The following ALPK2 variants were observed in gnomAD, a reference collection of about 807,000 sequenced individuals.
The protein encoded by ALPK2 is alpha-protein kinase 2.
Under a neutral mutation model 163.1 loss-of-function variants are expected in ALPK2, and 127 were observed. The ratio of observed to expected loss-of-function variants is 0.78; its 90% CI spans 0.67 to 0.90. ALPK2 has a LOEUF of 0.90. ALPK2 is among the 40% of genes least tolerant of loss of function. The pLI is 0.00. For missense variants in ALPK2, 2,360 were observed against 2,589.6 expected, an observed-to-expected ratio of 0.91 and a Z score of 1.92; for synonymous variants, 953 against 959.1, an observed-to-expected ratio of 0.99 and a Z score of 0.12.
chr18:58,557,675 T>TAC (rs2051801073), intron 4 of ALPK2, among the ~76,000 whole-genome samples: 12 of 44,582 alleles, frequency 2.7e-4, no homozygotes, highest in South Asian at 2.4e-3. Flanking sequence ...TATACGTGTG[T>TAC]GTGTGTGTGT....
intron 4 of ALPK2, among the ~76,000 whole-genome samples, chr18:58,575,277 T>C (rs918660882): frequency 6.6e-6 from 1 of 152,144 alleles, no homozygotes; most frequent in Non-Finnish European, 1.5e-5. Context: ...TAGTATTGTA[T>C]GGCTACTTAT....
intron 3 of ALPK2, among the ~76,000 whole-genome samples, chr18:58,595,345 G>T (rs951096890): frequency 6.6e-6 from 1 of 152,178 alleles, no homozygotes; most frequent in African/African-American, 2.4e-5. Context: ...TAACCTTAGG[G>T]TCTAGAACAG....
chr18:58,607,070 T>C (rs1026471433), intron 3 of ALPK2, among the ~76,000 whole-genome samples: 3 of 152,206 alleles, frequency 2.0e-5, no homozygotes, highest in Admixed American at 2.0e-4. Context: ...AATGGCTGGA[T>C]CACCTTGAAC....
chr18:58,601,060 AGCCT>A (rs1226564173), intron 3 of ALPK2, among the ~76,000 whole-genome samples: 1 of 152,240 alleles, frequency 6.6e-6, no homozygotes, highest in East Asian at 1.9e-4. Flanking sequence ...GTTCGAGACC[AGCCT>A]GGCCAACATG....
chr18:58,497,785 G>A (rs1455557424), intron 12 of ALPK2, among the ~76,000 whole-genome samples: 2 of 152,112 alleles, frequency 1.3e-5, no homozygotes, highest in Non-Finnish European at 2.9e-5. Context: ...TCTCCCCGTG[G>A]TACTCCTATT....
In ALPK2 at chr18:58,516,766, C is replaced by A; in HGVS notation, c.5940+142G>T. On this transcript the variant is annotated intron_variant, in intron 9 of 12. Transcript: ENST00000361673. The stretch of plus-strand genomic sequence containing the variant: ...CCGAGAATTGAGAAGTGATCCCCAG[C>A]ATTGAGATTGAATTGAAACCCCAAA... The A allele has an allele frequency of 3.9e-6, 4 of 1,018,600 alleles. No homozygotes were observed. In the South Asian group the frequency reaches 4.8e-5, roughly 12 times the overall value. The allele number at this position is 1,018,600 out of a possible 1,614,324, so 63.1% of individuals were successfully genotyped here.
chr18:58,558,834 T>A (rs142545097), intron 4 of ALPK2, among the ~76,000 whole-genome samples: 44 of 152,388 alleles, frequency 2.9e-4, no homozygotes, highest in African/African-American at 1.0e-3. Context: ...AAAAGCCATC[T>A]ACTGTATGAT....
intron 12 of ALPK2, among the ~76,000 whole-genome samples, chr18:58,483,239 C>A (rs532799066): frequency 2.8e-4 from 43 of 152,220 alleles, no homozygotes; most frequent in Non-Finnish European, 5.1e-4. Flanking sequence ...ATGAGGTCCA[C>A]GTTACATTCA....
chr18:58,519,012 T>C (rs1363126827), intron 8 of ALPK2, among the ~76,000 whole-genome samples: 1 of 152,230 alleles, frequency 6.6e-6, no homozygotes, highest in Admixed American at 6.5e-5. Context: ...TAAGAACTTA[T>C]GAGGACTGAA....
intron 4 of ALPK2, among the ~76,000 whole-genome samples, chr18:58,548,487 A>AT (rs1306413473): frequency 3.3e-5 from 5 of 151,982 alleles, no homozygotes; most frequent in African/African-American, 1.2e-4. Flanking sequence ...TGGCCAGCTA[A>AT]TTTTTGTATT....
At chr18:58,559,156 C>A (rs552130110) in intron 4 of ALPK2, among the ~76,000 whole-genome samples, 9 of 152,300 alleles carry the variant, frequency 5.9e-5, no homozygotes, top group Admixed American at 1.3e-4. Context: ...CAAAGCTAAT[C>A]AACGTGGGGT....
chr18:58,528,935 T>G, intron 6 of ALPK2, 156 bp downstream of exon 6: 1 of 904,402 alleles, frequency 1.1e-6, no homozygotes, highest in Non-Finnish European at 1.7e-6. Flanking sequence ...GACACTTGTC[T>G]TCCGATATTT....
intron 3 of ALPK2, among the ~76,000 whole-genome samples, chr18:58,581,483 G>A (rs1256393514): frequency 6.6e-6 from 1 of 152,224 alleles, no homozygotes; most frequent in African/African-American, 2.4e-5. Flanking sequence ...TGGCCCAGCA[G>A]GGGAGGAACA....
At chr18:58,553,085 C>G (rs1047630014) in intron 4 of ALPK2, among the ~76,000 whole-genome samples, 5 of 152,076 alleles carry the variant, frequency 3.3e-5, no homozygotes. Flanking sequence ...AACCAAGGAA[C>G]CCCCAAGGGC....
At chr18:58,627,178 G>T (rs996281963) in intron 1 of ALPK2, among the ~76,000 whole-genome samples, 5 of 152,194 alleles carry the variant, frequency 3.3e-5, no homozygotes, top group African/African-American at 1.2e-4. Context: ...CGCATCACAG[G>T]GGCTGATACC....
At chr18:58,505,656 A>C (rs2051458200) in intron 10 of ALPK2, among the ~76,000 whole-genome samples, 1 of 152,002 alleles carries the variant, frequency 6.6e-6, no homozygotes, top group Non-Finnish European at 1.5e-5. Flanking sequence ...AGCCCACCCC[A>C]ACTACTGACT....
intron 4 of ALPK2, among the ~76,000 whole-genome samples, chr18:58,576,161 G>A (rs1371427688): frequency 3.3e-5 from 5 of 152,146 alleles, no homozygotes; most frequent in Non-Finnish European, 7.3e-5. Flanking sequence ...ATCACCTGAG[G>A]TCAGGAGTTC....
At chr18:58,606,583 G>A (rs1404168024) in intron 3 of ALPK2, among the ~76,000 whole-genome samples, 7 of 152,286 alleles carry the variant, frequency 4.6e-5, no homozygotes, top group Middle Eastern at 3.4e-3. Context: ...CTGGAACTCA[G>A]TAAGTCTTTT....
intron 3 of ALPK2, 149 bp from the exon 4 acceptor site, chr18:58,580,697 A>C: frequency 1.3e-6 from 1 of 778,638 alleles, no homozygotes; most frequent in Non-Finnish European, 2.0e-6. Flanking sequence ...TTGTGGCCAA[A>C]GGCAACTGAC....
Sources: allele counts gnomAD v4.1 joint callset (sites outside exome capture counted in the v4.1 genomes callset), GRCh38; gene constraint gnomAD v4.1.1; transcripts MANE v1.5; gene names NCBI Gene and HGNC (gene_info 2026-07-23, HGNC 2026-07-21).